EFHD1: variants seen among roughly 807,000 people sequenced by gnomAD.
EFHD1 encodes the protein EF-hand domain family member D1, also known as EF-hand domain-containing protein D1.
In EFHD1, 10 loss-of-function variants were observed where a neutral mutation model predicts 17.2. That is an observed-to-expected ratio of 0.58 (90% confidence interval 0.36 to 0.99). The LOEUF (loss-of-function observed/expected upper bound fraction) is 0.99, where lower values mean the gene tolerates loss of function less well. Ranked by LOEUF, EFHD1 falls within the 50% of genes least tolerant of loss-of-function variation. The pLI, the probability that EFHD1 is intolerant of heterozygous loss-of-function variation, is 0.01. For synonymous variants in EFHD1, 153 were observed against 142.0 expected (o/e 1.08, Z -0.55); for missense variants, 310 against 327.5 (o/e 0.95, Z 0.41).
At chr2:232,678,769 G>T (rs1431291970) in intron 3 of EFHD1, among the ~76,000 whole-genome samples, 3 of 152,188 alleles carry the variant, frequency 2.0e-5, no homozygotes, top group African/African-American at 7.2e-5. Flanking sequence ...GGCAAAGAGA[G>T]CCAAACTCTG....
intron 1 of EFHD1, among the ~76,000 whole-genome samples, chr2:232,619,094 A>T (rs1164311099): frequency 1.3e-5 from 2 of 152,010 alleles, no homozygotes; most frequent in Non-Finnish European, 2.9e-5. Context: ...CAGAATTTGC[A>T]GTGAGCCGAG....
At chr2:232,668,492 C>T (rs7578760) in intron 2 of EFHD1, among the ~76,000 whole-genome samples, 24,163 of 151,998 alleles carry the variant, frequency 0.16, 3,510 homozygotes, top group African/African-American at 0.39. Flanking sequence ...TCATGAAGCC[C>T]GTCCGTAAAC....
intron 2 of EFHD1, among the ~76,000 whole-genome samples, chr2:232,667,009 A>G (rs1379548194): frequency 1.3e-5 from 2 of 152,214 alleles, no homozygotes; most frequent in African/African-American, 4.8e-5. Flanking sequence ...TATTGTGACC[A>G]TTGTGAAAAC....
Position 232,623,172 on chromosome 2 carries a change from G to A in EFHD1, c.14+16999G>A, listed in dbSNP as rs185607620. ...AACGATCCTCCTACTTTGGCCTCCCGAGTAGTTGGGACTACAGGTGTGTGC... is the reference window on the plus strand; with the variant it reads ...AACGATCCTCCTACTTTGGCCTCCCAAGTAGTTGGGACTACAGGTGTGTGC... On this transcript the variant is annotated intron_variant, in intron 1 of 3. Coordinates refer to the EFHD1 transcript ENST00000409613. Among the ~76,000 whole-genome samples the A allele has an allele frequency of 5.7e-4, 86 of 152,074 alleles. No individual in the cohort carries two copies. The East Asian group carries it at 0.012, about 22-fold the overall frequency.
chr2:232,640,879 A>G (rs1479708387), intron 1 of EFHD1, among the ~76,000 whole-genome samples: 1 of 152,078 alleles, frequency 6.6e-6, no homozygotes, highest in African/African-American at 2.4e-5. Flanking sequence ...GGCAGCAGGG[A>G]AGGCCCTTGG....
rs565274438 is a variant in EFHD1 at position 232,641,608 on chromosome 2, T to C, written c.302+7602T>C. On this transcript the variant is annotated intron_variant, in intron 1 of 3. Transcript: ENST00000264059. ...TCTGTTGTCCCTCTGCAGCCTGCCA[T>C]TGTGATATGAAAGCAGCCACAGGCA... Among the ~76,000 whole-genome samples the C allele has an allele frequency of 1.1e-4, 16 of 152,348 alleles. No homozygotes were observed. In the South Asian group the frequency reaches 2.9e-3, roughly 28 times the overall value.
intron 3 of EFHD1, among the ~76,000 whole-genome samples, chr2:232,679,360 A>T (rs1157808859): frequency 6.6e-6 from 1 of 152,110 alleles, no homozygotes; most frequent in Non-Finnish European, 1.5e-5. Flanking sequence ...AGAGACTAAT[A>T]CCTAGTATTT....
Position 232,627,064 on chromosome 2 carries a change from ATTTTT to A in EFHD1, c.14+20902_14+20906del, listed in dbSNP as rs56085382. Among the ~76,000 whole-genome samples, 174 of 92,220 alleles carry A rather than the reference ATTTTT, an allele frequency of 1.9e-3. 1 individual carries two copies. Among genetic ancestry groups the A allele is most frequent in the Admixed American group, 0.012 (90 of 7,334 alleles). The allele number at this position is 92,220 out of a possible 152,430, so 60.5% of individuals were successfully genotyped here. ...TATATATATATATATATATATATAT[ATTTTT>A]TTTTTTTTTTAATTAGCCAGTTGTG... On this transcript the variant is annotated intron_variant, in intron 1 of 3. Coordinates refer to the EFHD1 transcript ENST00000409613.
In EFHD1 at chr2:232,639,056, T is replaced by C. The variant is rs374515639; in HGVS notation, c.302+5050T>C. 1.1e-3 allele frequency among the ~76,000 whole-genome samples: 167 copies of C among 152,306 alleles called. 1 individual carries two copies. Among genetic ancestry groups the C allele is most frequent in the African/African-American group, 3.5e-3 (147 of 41,576 alleles). The stretch of plus-strand genomic sequence containing the variant: ...TGCCAGCACGCATGATTAACCCATG[T>C]AGGAGGAGCTGGAAGGAGCTTCCAC... On this transcript the variant is annotated intron_variant, in intron 1 of 3. Coordinates refer to ENST00000264059, the MANE Select transcript of EFHD1 (RefSeq NM_025202.4).
intron 3 of EFHD1, among the ~76,000 whole-genome samples, chr2:232,676,997 C>T (rs1695185165): frequency 6.7e-6 from 1 of 150,350 alleles, no homozygotes; most frequent in African/African-American, 2.5e-5. Context: ...AAGACCCTGC[C>T]TCTAAAACAA....
chr2:232,655,205 G>A (rs1694738361), intron 1 of EFHD1, among the ~76,000 whole-genome samples: 1 of 152,126 alleles, frequency 6.6e-6, no homozygotes, highest in South Asian at 2.1e-4. Context: ...TCTTTTTTAA[G>A]AGATAGATCT....
Position 232,643,191 on chromosome 2 carries a change from G to GA in EFHD1, c.302+9196dup, listed in dbSNP as rs898404475. On this transcript the variant is annotated intron_variant, in intron 1 of 3. Transcript: ENST00000264059. ...AATTAACATGTAACCAGCTAGAAGT[G>GA]AAAAAAAAAAAGAAAAAATAAACAA... Among the ~76,000 whole-genome samples, 132 of 142,544 alleles carry GA rather than the reference G, an allele frequency of 9.3e-4. 1 individual carries two copies. The highest frequency in any genetic ancestry group is 3.6e-3 in the Middle Eastern group (1 of 274). 93.5% of individuals were successfully genotyped at this position (142,544 alleles called of 152,430 possible). A position where few individuals can be genotyped will look rare whatever the true frequency, so the allele number is the denominator to read the frequency against.
chr2:232,630,754 C>T (rs1694186285), upstream of EFHD1, among the ~76,000 whole-genome samples: 1 of 143,354 alleles, frequency 7.0e-6, no homozygotes, highest in Admixed American at 7.1e-5. Flanking sequence ...CAAGACCTGC[C>T]TGGGCAACAT....
rs1695288194 is a variant in EFHD1, at chr2:232,681,822, G to C, written c.*103G>C. ...TGCTGTCGGTCCCCTCCCTGAGCCA[G>C]CATCTCCATCCACCACCCCGTGCCA... On this transcript the variant is annotated 3_prime_UTR_variant, in exon 4 of 4. Transcript: ENST00000264059. 6.8e-7 allele frequency: 1 copy of C among 1,468,376 alleles called. No homozygotes were observed. The highest frequency in any genetic ancestry group is 1.4e-5 in the African/African-American group (1 of 70,970). The allele number at this position is 1,468,376 out of a possible 1,614,324, so 91.0% of individuals were successfully genotyped here. A position where few individuals can be genotyped will look rare whatever the true frequency, so the allele number is the denominator to read the frequency against.
chr2:232,646,403 T>C (rs1354090570), intron 1 of EFHD1, among the ~76,000 whole-genome samples: 1 of 151,434 alleles, frequency 6.6e-6, no homozygotes, highest in East Asian at 1.9e-4. Flanking sequence ...TTGTCTGTTA[T>C]TGCTGATTCT....
chr2:232,676,068 C>T (rs1695165791), intron 3 of EFHD1, among the ~76,000 whole-genome samples: 1 of 151,996 alleles, frequency 6.6e-6, no homozygotes, highest in African/African-American at 2.4e-5. Context: ...CCCAGCTACT[C>T]AGGAGGCTGA....
At chr2:232,633,345 G>A (rs1694239213), upstream of EFHD1, 2 of 518,128 alleles carry the variant, frequency 3.9e-6, no homozygotes, top group African/African-American at 4.0e-5. Context: ...GAGCTGACAG[G>A]GGCAGCAAGG....
intron 1 of EFHD1, among the ~76,000 whole-genome samples, chr2:232,662,254 G>A (rs966430381): frequency 2.6e-5 from 4 of 152,088 alleles, no homozygotes; most frequent in East Asian, 3.9e-4. Flanking sequence ...CAAGACGAGC[G>A]AACCAGAGGG....
At chr2:232,645,962 C>T (rs187450227) in intron 1 of EFHD1, among the ~76,000 whole-genome samples, 84 of 152,278 alleles carry the variant, frequency 5.5e-4, no homozygotes, top group East Asian at 3.9e-4. Flanking sequence ...CAGCCATCCT[C>T]GACACCATCC....
Sources: gnomAD v4.1 joint callset for allele counts (sites outside exome capture counted in the v4.1 genomes callset) on GRCh38, gnomAD v4.1.1 for gene constraint, MANE v1.5 for transcripts, NCBI Gene and HGNC (gene_info 2026-07-23, HGNC 2026-07-21) for gene names.